GPHN: variants seen among roughly 807,000 people sequenced by gnomAD.
GPHN encodes the protein gephyrin.
GPHN carries 17 observed loss-of-function variants against 95.5 expected under a neutral mutation model. The observed-to-expected ratio is 0.18, with a 90% confidence interval of 0.12 to 0.27. The LOEUF is 0.27. Ranked by LOEUF, GPHN falls within the 10% of genes least tolerant of loss-of-function variation. The probability of loss-of-function intolerance (pLI) is 1.00; values close to 1 mark genes in which losing one functional copy is unlikely to be tolerated. For synonymous variants in GPHN, 320 were observed against 322.5 expected (o/e 0.99, Z 0.08); for missense variants, 660 against 978.1 (o/e 0.67, Z 4.34).
intron 5 of GPHN, among the ~76,000 whole-genome samples, chr14:66,902,810 C>T (rs2065183802): frequency 6.6e-6 from 1 of 151,936 alleles, no homozygotes; most frequent in South Asian, 2.1e-4. Flanking sequence ...GGAGGGTGGC[C>T]TGGGTTTCTC....
At chr14:66,793,670 AAGAG>A (rs914061472) in intron 3 of GPHN, among the ~76,000 whole-genome samples, 9 of 152,118 alleles carry the variant, frequency 5.9e-5, no homozygotes, top group African/African-American at 7.2e-5. Context: ...ATGGCACAAA[AAGAG>A]AGAAGAGAGA....
At chr14:67,014,612 G>A (rs1002576036) in intron 9 of GPHN, among the ~76,000 whole-genome samples, 1 of 152,158 alleles carries the variant, frequency 6.6e-6, no homozygotes, top group African/African-American at 2.4e-5. Context: ...AAGTTTGGAA[G>A]TCAAGAGAAC....
chr14:67,012,378 T>C (rs572421840), intron 9 of GPHN, among the ~76,000 whole-genome samples: 1 of 152,326 alleles, frequency 6.6e-6, no homozygotes, highest in South Asian at 2.1e-4. Context: ...CTTCATTGAC[T>C]TTTATGAAAT....
At chr14:67,409,717 C>T in the GPHN span, among the ~76,000 whole-genome samples, 8 of 152,296 alleles carry the variant, frequency 5.3e-5, no homozygotes, top group South Asian at 1.5e-3. Context: ...TCTCTGGCTT[C>T]GCTTTCACCG....
chr14:67,447,305 C>A, the GPHN span: 1 of 152,140 alleles, frequency 6.6e-6, no homozygotes, highest in African/African-American at 2.4e-5. Flanking sequence ...GACCTAATCA[C>A]CTCCCCAAGC....
At chr14:67,363,505 T>C in the GPHN span, among the ~76,000 whole-genome samples, 1 of 152,198 alleles carries the variant, frequency 6.6e-6, no homozygotes, top group Non-Finnish European at 1.5e-5. Context: ...TGAATAGTTT[T>C]GAGAGAATAT....
the GPHN span, among the ~76,000 whole-genome samples, chr14:67,723,040 G>T: frequency 6.6e-6 from 1 of 152,126 alleles, no homozygotes; most frequent in Non-Finnish European, 1.5e-5. Context: ...ATTCCTTTGG[G>T]TGTCTCTGAA....
the GPHN span, chr14:67,692,598 C>A: frequency 1.3e-6 from 2 of 1,555,478 alleles, no homozygotes; most frequent in South Asian, 1.2e-5. Flanking sequence ...GAGCTCCTGT[C>A]AGCCAACATA....
chr14:67,289,261 G>A, the GPHN span, among the ~76,000 whole-genome samples: 2 of 151,840 alleles, frequency 1.3e-5, no homozygotes, highest in Admixed American at 6.6e-5. Flanking sequence ...AGCCACCATC[G>A]CACGTGGCTG....
chr14:66,528,245 G>A (rs1414165296), intron 1 of GPHN, among the ~76,000 whole-genome samples: 1 of 152,032 alleles, frequency 6.6e-6, no homozygotes, highest in African/African-American at 2.4e-5. Flanking sequence ...TTTGATCTTT[G>A]TTGGCTTAAA....
At chr14:66,510,327 G>A (rs975824942) in intron 1 of GPHN, among the ~76,000 whole-genome samples, 1 of 152,180 alleles carries the variant, frequency 6.6e-6, no homozygotes, top group East Asian at 1.9e-4. Context: ...GGCCATAGAT[G>A]TTTAAAAGTT....
At chr14:66,914,774 A>G (rs1213765700) in intron 5 of GPHN, among the ~76,000 whole-genome samples, 1 of 152,084 alleles carries the variant, frequency 6.6e-6, no homozygotes, top group African/African-American at 2.4e-5. Context: ...ATTATAATCA[A>G]TTAGCTATCA....
At chr14:66,954,600 T>C (rs1042029777) in intron 8 of GPHN, among the ~76,000 whole-genome samples, 7 of 152,188 alleles carry the variant, frequency 4.6e-5, no homozygotes, top group African/African-American at 1.7e-4. Flanking sequence ...TCCTTTCCAA[T>C]TTGAAGCCTT....
the GPHN span, among the ~76,000 whole-genome samples, chr14:67,496,878 A>G: frequency 6.7e-6 from 1 of 150,086 alleles, no homozygotes; most frequent in Non-Finnish European, 1.5e-5. Context: ...GCTCACTGCA[A>G]CCTCTGCCTC....
rs1414311836 is a variant in GPHN at position 66,899,931 on chromosome 14, A to T, written c.390-16072A>T. 6.6e-5 allele frequency among the ~76,000 whole-genome samples: 10 copies of T among 151,922 alleles called. No homozygotes were observed. The Middle Eastern group carries it at 0.017, about 260-fold the overall frequency. ...TCTAGAGTTTTTTTACTATAAATTG[A>T]ATTTTCTTAAAAGTTACAGGGCTAT... On this transcript the variant is annotated intron_variant, in intron 5 of 22. Transcript: ENST00000478722.
chr14:67,553,339 C>T, the GPHN span, among the ~76,000 whole-genome samples: 3 of 152,082 alleles, frequency 2.0e-5, no homozygotes, highest in South Asian at 6.2e-4. Context: ...AGAAAATGCT[C>T]CTCATCATTG....
intron 10 of GPHN, 114 bp downstream of exon 10, chr14:67,023,789 T>C: frequency 2.4e-6 from 2 of 825,466 alleles, no homozygotes; most frequent in East Asian, 2.6e-5. Flanking sequence ...GTGACAAATA[T>C]GAATATTAGG....
chr14:66,571,586 G>A lies in GPHN; in HGVS notation c.64+62995G>A, dbSNP rs1438531511. Among the ~76,000 whole-genome samples the A allele has an allele frequency of 5.3e-5, 8 of 152,176 alleles. No individual in the cohort carries two copies. The East Asian group carries it at 7.7e-4, about 15-fold the overall frequency. On this transcript the variant is annotated intron_variant, in intron 1 of 22. Transcript: ENST00000478722. ...CCTACTTTGGGAGGCTGAGTCAGGC[G>A]AATCACTTGAGGTCAGGAGTTTGAG...
chr14:67,064,973 A>G (rs1018631101), intron 11 of GPHN, among the ~76,000 whole-genome samples: 3 of 151,962 alleles, frequency 2.0e-5, no homozygotes, highest in Admixed American at 1.3e-4. Context: ...GCCTTCTGCT[A>G]GCTTTTGAAT....
Sources: allele counts gnomAD v4.1 joint callset (sites outside exome capture counted in the v4.1 genomes callset), GRCh38; gene constraint gnomAD v4.1.1; transcripts MANE v1.5; gene names NCBI Gene and HGNC (gene_info 2026-07-23, HGNC 2026-07-21).